CACNA1C: variants seen among roughly 807,000 people sequenced by gnomAD.
CACNA1C encodes voltage-dependent L-type calcium channel subunit alpha-1C.
A neutral mutation model predicts 229.0 loss-of-function variants in CACNA1C; 30 were observed. The observed-to-expected ratio is 0.13, with a 90% CI of 0.10 to 0.18. The LOEUF is 0.18. CACNA1C is among the 10% of genes least tolerant of loss of function. The probability of loss-of-function intolerance (pLI) is 1.00; values close to 1 mark genes in which losing one functional copy is unlikely to be tolerated. For missense variants in CACNA1C, 1,658 were observed against 2,845.0 expected (o/e 0.58, Z 9.49); for synonymous variants, 1,114 against 1,132.5 (o/e 0.98, Z 0.33).
Position 2,275,305 on chromosome 12 carries a change from C to A in CACNA1C, c.477+154875C>A, listed in dbSNP as rs2087260085. On this transcript the variant is annotated intron_variant, in intron 3 of 46. Coordinates refer to ENST00000399655, the MANE Select transcript of CACNA1C (RefSeq NM_000719.7). The surrounding 1 kb of genome is among the most constrained non-coding windows in gnomAD (Gnocchi z 4.1). The stretch of plus-strand genomic sequence containing the variant: ...CTGTGTGGCAAGGGCGAGGGAGAGG[C>A]ATGACTATGTGTCTCTGCCTGTCTG... Among the ~76,000 whole-genome samples the A allele has an allele frequency of 6.6e-6, 1 of 152,170 alleles. No homozygotes were observed. The highest frequency in any genetic ancestry group is 1.5e-5 in the Non-Finnish European group (1 of 68,026).
chr12:2,268,982 G>C (rs2083573526), intron 3 of CACNA1C, among the ~76,000 whole-genome samples: 1 of 152,192 alleles, frequency 6.6e-6, no homozygotes, highest in Non-Finnish European at 1.5e-5. Flanking sequence ...CCCCTGCCCA[G>C]GGTCGGATGT....
In CACNA1C at chr12:2,665,473, T is replaced by C. The variant is rs1171606141; in HGVS notation, c.4399-108T>C. ...GCTGGTAGGATGGATGACTGGTCTT[T>C]AGAAATGTTGGCTTCTGCCATCAGT... On this transcript the variant is annotated intron_variant, in intron 35 of 46. Coordinates refer to ENST00000399655, the MANE Select transcript of CACNA1C (RefSeq NM_000719.7). The surrounding 1 kb of genome is among the most constrained non-coding windows in gnomAD (Gnocchi z 5.9). 4.9e-6 allele frequency: 6 copies of C among 1,212,322 alleles called. No individual in the cohort carries two copies. The highest frequency in any genetic ancestry group is 1.3e-5 in the South Asian group (1 of 78,564). The allele number at this position is 1,212,322 out of a possible 1,614,324, so 75.1% of individuals were successfully genotyped here. A position where few individuals can be genotyped will look rare whatever the true frequency, so the allele number is the denominator to read the frequency against.
chr12:2,422,331 G>A (rs992087848), intron 3 of CACNA1C, among the ~76,000 whole-genome samples: 2 of 152,106 alleles, frequency 1.3e-5, no homozygotes, highest in East Asian at 3.9e-4. Flanking sequence ...AATAACCCAC[G>A]GAGGGCAGAA....
At chr12:2,591,640 CAGAG>C (rs147734518) in intron 18 of CACNA1C, among the ~76,000 whole-genome samples, 36 of 151,134 alleles carry the variant, frequency 2.4e-4, no homozygotes, top group South Asian at 4.2e-4. Flanking sequence ...GCAGCTCAAA[CAGAG>C]AGAGAGAGAG....
chr12:2,240,005 A>T (rs570738295), intron 3 of CACNA1C, among the ~76,000 whole-genome samples: 1 of 152,366 alleles, frequency 6.6e-6, no homozygotes, highest in Non-Finnish European at 1.5e-5. Context: ...AGACTTAAAC[A>T]AATTTCTTTC....
intron 6 of CACNA1C, among the ~76,000 whole-genome samples, chr12:2,489,427 C>T (rs1179501569): frequency 1.3e-5 from 2 of 152,312 alleles, no homozygotes; most frequent in East Asian, 3.9e-4. Flanking sequence ...TCAGAAGAGG[C>T]GGCGTTTCCC....
intron 3 of CACNA1C, among the ~76,000 whole-genome samples, chr12:2,359,423 A>G (rs1567230224): frequency 6.6e-6 from 1 of 152,100 alleles, no homozygotes; most frequent in Non-Finnish European, 1.5e-5. Flanking sequence ...TTATTGTACT[A>G]CCTTCCTTAG....
intron 7 of CACNA1C, among the ~76,000 whole-genome samples, chr12:2,497,053 TG>T (rs202000273): frequency 9.8e-5 from 15 of 152,314 alleles, no homozygotes; most frequent in East Asian, 3.9e-4. Context: ...TTTCACGTTT[TG>T]TTTTTTTCAA....
At position 2,609,778 on chromosome 12, in the gene CACNA1C, CCT is replaced by C. The variant is rs1390166336; in HGVS notation, c.3559-759_3559-758del. The stretch of plus-strand genomic sequence containing the variant: ...ATCTAGTTAGCCCAGAATCTCCTTC[CCT>C]CTCAGTGAACTGTGTTTTTCCATCT... On this transcript the variant is annotated intron_variant, in intron 27 of 46. Coordinates refer to ENST00000399655, the MANE Select transcript of CACNA1C (RefSeq NM_000719.7). Among the ~76,000 whole-genome samples, 3 of 151,732 alleles carry C rather than the reference CCT, an allele frequency of 2.0e-5. No homozygotes were observed. The East Asian group carries it at 5.8e-4, about 29-fold the overall frequency.
At chr12:2,686,820 TC>T (rs1002776956) in intron 45 of CACNA1C, among the ~76,000 whole-genome samples, 1 of 152,192 alleles carries the variant, frequency 6.6e-6, no homozygotes, top group African/African-American at 2.4e-5. Flanking sequence ...GACAGTGAAA[TC>T]CAAGATGCCA....
chr12:2,367,636 CAG>C (rs1327325733), intron 3 of CACNA1C, among the ~76,000 whole-genome samples: 3 of 151,988 alleles, frequency 2.0e-5, no homozygotes, highest in Admixed American at 2.0e-4. Context: ...GAAACAGTAT[CAG>C]AATAGATTTA....
At position 2,053,613 on chromosome 12, in the gene CACNA1C, T is replaced by TA. The variant is rs778334040; in HGVS notation, c.49+4dup. ...ACATTCCAGAGGAAAACCACCAAGG[T>TA]AAGGCTGGACCCCGCCGCCTCGCCG... On this transcript the variant is annotated splice_region_variant and intron_variant, in intron 1 of 46. Coordinates refer to ENST00000399655, the MANE Select transcript of CACNA1C (RefSeq NM_000719.7). This position sits in a 1 kb window ranked among gnomAD's most constrained non-coding sequence, Gnocchi z 5.8. 2 of 1,592,912 alleles carry TA rather than the reference T, an allele frequency of 1.3e-6. No individual in the cohort carries two copies. The highest frequency in any genetic ancestry group is 2.3e-5 in the South Asian group (2 of 87,508).
intron 1 of CACNA1C, among the ~76,000 whole-genome samples, chr12:2,023,660 G>A (rs2046841546): frequency 6.6e-6 from 1 of 152,190 alleles, no homozygotes. Flanking sequence ...AAGTCATTTG[G>A]GAGAGGTACT....
At chr12:2,078,379 C>G (rs1201357085) in intron 1 of CACNA1C, among the ~76,000 whole-genome samples, 1 of 152,116 alleles carries the variant, frequency 6.6e-6, no homozygotes, top group South Asian at 2.1e-4. Context: ...AAGATACATA[C>G]AGCGGAGTAT....
chr12:2,470,278 A>G (rs1234381573), intron 5 of CACNA1C, among the ~76,000 whole-genome samples: 1 of 152,240 alleles, frequency 6.6e-6, no homozygotes, highest in Non-Finnish European at 1.5e-5. Flanking sequence ...AAGCTCCATA[A>G]TGGATTCCTT....
In CACNA1C at chr12:2,462,260, CCA is replaced by C. The variant is rs2099512500; in HGVS notation, c.757+4555_757+4556del. Among the ~76,000 whole-genome samples, 8 of 151,214 alleles carry C rather than the reference CCA, an allele frequency of 5.3e-5. No individual in the cohort carries two copies. In the South Asian group the frequency reaches 1.3e-3, roughly 24 times the overall value. On this transcript the variant is annotated intron_variant, in intron 5 of 46. Coordinates refer to ENST00000399655, the MANE Select transcript of CACNA1C (RefSeq NM_000719.7). Reference sequence around the variant, plus strand: ...TTGGCCCCCACCTCGGCTCAGCTCTCCATACAGGCCTGCACACTTCCTCGGCA... The same window carrying C: ...TTGGCCCCCACCTCGGCTCAGCTCTCTACAGGCCTGCACACTTCCTCGGCA...
At chr12:1,992,081 G>T in intron 1 of CACNA1C, 3 of 364,802 alleles carry the variant, frequency 8.2e-6, no homozygotes, top group Non-Finnish European at 1.1e-5. Context: ...CCTGGAGTTG[G>T]AATTCCAAGT....
At position 2,053,826 on chromosome 12, in the gene CACNA1C, C is replaced by T. The variant is rs2053265501; in HGVS notation, c.49+215C>T. Among the ~76,000 whole-genome samples, 1 of 150,456 alleles carries T rather than the reference C, an allele frequency of 6.6e-6. No individual in the cohort carries two copies. Among genetic ancestry groups the T allele is most frequent in the East Asian group, 2.0e-4 (1 of 5,032 alleles). The stretch of plus-strand genomic sequence containing the variant: ...GACGGAGCGGAAAATTCCCGCCCCT[C>T]CCCCTCCGGGCCCCAGCTTCTCCAG... On this transcript the variant is annotated intron_variant, in intron 1 of 46. Transcript: ENST00000399655. The surrounding 1 kb of genome is among the most constrained non-coding windows in gnomAD (Gnocchi z 5.8).
At chr12:2,175,558 G>C (rs2096620830) in intron 3 of CACNA1C, among the ~76,000 whole-genome samples, 1 of 152,100 alleles carries the variant, frequency 6.6e-6, no homozygotes, top group Admixed American at 6.6e-5. Context: ...GAGATGGGTG[G>C]GTGGGCTCCG....
Sources: gnomAD v4.1 joint callset for allele counts (sites outside exome capture counted in the v4.1 genomes callset) on GRCh38, gnomAD v4.1.1 for gene constraint, Gnocchi (gnomAD v3.1) non-coding constraint, MANE v1.5 for transcripts, NCBI Gene and HGNC (gene_info 2026-07-23, HGNC 2026-07-21) for gene names.